Variants in PCSK2 observed in about 807,000 individuals in gnomAD.
PCSK2 encodes neuroendocrine convertase 2.
Under a neutral mutation model 69.7 loss-of-function variants are expected in PCSK2, and 14 were observed. That is an observed-to-expected ratio of 0.20 (90% CI 0.13 to 0.31). PCSK2 has a LOEUF of 0.31. Among genes scored for constraint, PCSK2 ranks in the 10% least tolerant of loss-of-function variants. The pLI is 1.00. For synonymous variants in PCSK2, 307 were observed against 320.7 expected, an observed-to-expected ratio of 0.96 and a Z score of 0.46; for missense variants, 544 against 842.5, an observed-to-expected ratio of 0.65 and a Z score of 4.39.
At chr20:17,422,555 A>C (rs1360362045) in intron 6 of PCSK2, among the ~76,000 whole-genome samples, 1 of 152,130 alleles carries the variant, frequency 6.6e-6, no homozygotes, top group African/African-American at 2.4e-5. Context: ...AACTAGACAA[A>C]ATTGTTTTAA....
chr20:17,322,403 T>A (rs1464338575), intron 2 of PCSK2, among the ~76,000 whole-genome samples: 1 of 152,094 alleles, frequency 6.6e-6, no homozygotes, highest in African/African-American at 2.4e-5. Flanking sequence ...AATTCATAGG[T>A]TGAAGGCCCA....
At chr20:17,334,322 T>C (rs1038601601) in intron 2 of PCSK2, among the ~76,000 whole-genome samples, 1 of 152,112 alleles carries the variant, frequency 6.6e-6, no homozygotes, top group Non-Finnish European at 1.5e-5. Context: ...GAATTGTAAT[T>C]TATTTTTCAA....
chr20:17,397,862 A>T (rs950433937), intron 5 of PCSK2, among the ~76,000 whole-genome samples: 1 of 152,196 alleles, frequency 6.6e-6, no homozygotes, highest in African/African-American at 2.4e-5. Flanking sequence ...CTCCTTCAGA[A>T]CCAAAGAAAT....
chr20:17,287,136 T>G (rs1988538796), intron 2 of PCSK2, among the ~76,000 whole-genome samples: 1 of 151,996 alleles, frequency 6.6e-6, no homozygotes, highest in African/African-American at 2.4e-5. Flanking sequence ...CTCTGCTCAC[T>G]TAAATGTTAA....
chr20:17,318,642 T>C (rs185276268), intron 2 of PCSK2, among the ~76,000 whole-genome samples: 1 of 152,342 alleles, frequency 6.6e-6, no homozygotes, highest in Admixed American at 6.5e-5. Context: ...CCAAAACCAC[T>C]TGTGGCTGGT....
chr20:17,451,654 T>C (rs2032824326), intron 8 of PCSK2, among the ~76,000 whole-genome samples: 1 of 152,104 alleles, frequency 6.6e-6, no homozygotes, highest in Non-Finnish European at 1.5e-5. Flanking sequence ...GGGTAGGAAA[T>C]AGACCACTCT....
At chr20:17,322,668 T>C (rs1453900966) in intron 2 of PCSK2, among the ~76,000 whole-genome samples, 1 of 152,178 alleles carries the variant, frequency 6.6e-6, no homozygotes, top group East Asian at 1.9e-4. Flanking sequence ...GCCCAGTCTC[T>C]CCTTCCAAGA....
At chr20:17,297,825 T>C (rs1009715784) in intron 2 of PCSK2, among the ~76,000 whole-genome samples, 1 of 152,228 alleles carries the variant, frequency 6.6e-6, no homozygotes, top group African/African-American at 2.4e-5. Flanking sequence ...TTCCTTCATT[T>C]TTTGCCTTCC....
chr20:17,413,154 A>G (rs551462207), intron 6 of PCSK2, among the ~76,000 whole-genome samples: 2 of 152,338 alleles, frequency 1.3e-5, no homozygotes, highest in Non-Finnish European at 2.9e-5. Flanking sequence ...TAACATCATA[A>G]TGACAGAATC....
chr20:17,324,405 G>A (rs1989976919), intron 2 of PCSK2, among the ~76,000 whole-genome samples: 1 of 151,958 alleles, frequency 6.6e-6, no homozygotes, highest in Admixed American at 6.5e-5. Context: ...TTCTTATCAG[G>A]GTTCTTAGGT....
chr20:17,294,741 G>C (rs1988830682), intron 2 of PCSK2, among the ~76,000 whole-genome samples: 1 of 152,116 alleles, frequency 6.6e-6, no homozygotes, highest in South Asian at 2.1e-4. Flanking sequence ...AATTTCACTA[G>C]ATGTGATTTA....
chr20:17,437,582 C>T (rs1390982293), intron 8 of PCSK2, among the ~76,000 whole-genome samples: 1 of 152,140 alleles, frequency 6.6e-6, no homozygotes, highest in Non-Finnish European at 1.5e-5. Context: ...CTTAGCCTCG[C>T]CTGTAAAACG....
chr20:17,303,460 TATAA>T lies in PCSK2; in HGVS notation c.282+43117_282+43120del, dbSNP rs1429575518. On this transcript the variant is annotated intron_variant, in intron 2 of 11. Transcript: ENST00000262545. ...ATAATATAATATATATTATATTAAA[TATAA>T]TATATATTATATATAATATATATTA... is the stretch of plus-strand genomic sequence containing the variant. Among the ~76,000 whole-genome samples, 4 of 62,526 alleles carry T rather than the reference TATAA, an allele frequency of 6.4e-5. No individual in the cohort carries two copies. In the East Asian group the frequency reaches 1.0e-3, roughly 16 times the overall value. The allele number at this position is 62,526 out of a possible 152,430, so 41.0% of individuals were successfully genotyped here.
At chr20:17,247,614 T>C (rs145328264) in intron 1 of PCSK2, among the ~76,000 whole-genome samples, 1 of 152,298 alleles carries the variant, frequency 6.6e-6, no homozygotes, top group East Asian at 1.9e-4. Flanking sequence ...GCCTTAACTG[T>C]TCTGAGGGTT....
intron 5 of PCSK2, among the ~76,000 whole-genome samples, chr20:17,378,953 C>T (rs1048092142): frequency 3.3e-5 from 5 of 152,120 alleles, no homozygotes; most frequent in Admixed American, 1.3e-4. Flanking sequence ...ATTTTACTGG[C>T]TTTTTTATTT....
At chr20:17,253,657 T>A (rs1987074785) in intron 1 of PCSK2, among the ~76,000 whole-genome samples, 1 of 152,228 alleles carries the variant, frequency 6.6e-6, no homozygotes, top group Admixed American at 6.5e-5. Context: ...ATGAATAATG[T>A]TGCTATAAAC....
intron 2 of PCSK2, among the ~76,000 whole-genome samples, chr20:17,325,478 C>T (rs2123140402): frequency 6.6e-6 from 1 of 152,252 alleles, no homozygotes; most frequent in South Asian, 2.1e-4. Context: ...ATTACATGTT[C>T]CCAAAGAAAT....
chr20:17,283,045 T>C (rs1485346794), intron 2 of PCSK2, among the ~76,000 whole-genome samples: 1 of 152,192 alleles, frequency 6.6e-6, no homozygotes, highest in African/African-American at 2.4e-5. Flanking sequence ...AGTTAACTGA[T>C]GAACCATTTG....
intron 2 of PCSK2, among the ~76,000 whole-genome samples, chr20:17,293,484 C>G (rs189367904): frequency 1.3e-5 from 2 of 152,172 alleles, no homozygotes; most frequent in African/African-American, 4.8e-5. Context: ...TGTTTCAGAA[C>G]ATTTTTTATG....
Sources: gnomAD v4.1 joint callset for allele counts (sites outside exome capture counted in the v4.1 genomes callset) on GRCh38, gnomAD v4.1.1 for gene constraint, MANE v1.5 for transcripts, NCBI Gene and HGNC (gene_info 2026-07-23, HGNC 2026-07-21) for gene names.